Variants in MUCL1 observed in about 807,000 individuals in gnomAD.
The protein encoded by MUCL1 is mucin-like protein 1.
A neutral mutation model predicts 9.2 loss-of-function variants in MUCL1; 11 were observed. That is an observed-to-expected ratio of 1.19 (90% CI 0.75 to 1.97). The LOEUF is 1.97. MUCL1 is among the 30% of genes most tolerant of loss of function. The probability of loss-of-function intolerance (pLI) is 0.00; values close to 1 mark genes in which losing one functional copy is unlikely to be tolerated. For synonymous variants in MUCL1, 48 were observed against 40.5 expected (o/e 1.19, Z -0.71); for missense variants, 144 against 110.9 (o/e 1.30, Z -1.34).
intron 1 of MUCL1, among the ~76,000 whole-genome samples, chr12:54,845,511 C>T (rs1959242172): frequency 6.6e-6 from 1 of 152,154 alleles, no homozygotes; most frequent in African/African-American, 2.4e-5. Context: ...CAAAACAAGG[C>T]ACCCTTCACT....
upstream of MUCL1, among the ~76,000 whole-genome samples, chr12:54,850,310 T>TC (rs1959319364): frequency 1.1e-5 from 1 of 91,170 alleles, no homozygotes; most frequent in Non-Finnish European, 2.2e-5. Context: ...CCCTCCCCCC[T>TC]CCCCCCACCC....
upstream of MUCL1, among the ~76,000 whole-genome samples, chr12:54,838,397 C>A (rs551803624): frequency 6.4e-4 from 98 of 152,226 alleles, no homozygotes; most frequent in Admixed American, 1.2e-3. Context: ...GGCCTGATGA[C>A]TATATGTCTT....
At chr12:54,847,468 AGCCTGTCATG>A (rs1248668065) in intron 1 of MUCL1, among the ~76,000 whole-genome samples, 1 of 152,136 alleles carries the variant, frequency 6.6e-6, no homozygotes, top group Non-Finnish European at 1.5e-5. Flanking sequence ...ATACAAAATT[AGCCTGTCATG>A]GCGGTGCATG....
chr12:54,856,641 G>A, intron 2 of MUCL1, 129 bp from the exon 3 acceptor site: 6 of 1,276,628 alleles, frequency 4.7e-6, no homozygotes, highest in East Asian at 2.5e-5. Flanking sequence ...TAGGCTAAAG[G>A]TAAGACAGAA....
chr12:54,847,340 G>A (rs1363278888), intron 1 of MUCL1, among the ~76,000 whole-genome samples: 1 of 152,214 alleles, frequency 6.6e-6, no homozygotes, highest in South Asian at 2.1e-4. Flanking sequence ...GAAAGGCCGG[G>A]CACAGTGGCT....
chr12:54,845,894 C>G (rs929593788), intron 1 of MUCL1, among the ~76,000 whole-genome samples: 1 of 152,046 alleles, frequency 6.6e-6, no homozygotes, highest in African/African-American at 2.4e-5. Context: ...ATTTTTGATC[C>G]AGTGAGTTTC....
Position 54,845,414 on chromosome 12 carries a change from G to T in MUCL1, c.43+5967G>T, listed in dbSNP as rs150986363. Among the ~76,000 whole-genome samples the T allele has an allele frequency of 2.6e-5, 4 of 152,290 alleles. No homozygotes were observed. In the East Asian group the frequency reaches 5.8e-4, roughly 22 times the overall value. On this transcript the variant is annotated intron_variant, in intron 1 of 3. Transcript: ENST00000546809. ...TTACAGGCAGAGAATAACAATGAGA[G>T]AGATAGGAAAATGCAACAAGATGTG... is the stretch of plus-strand genomic sequence containing the variant.
intron 1 of MUCL1, among the ~76,000 whole-genome samples, chr12:54,833,526 T>G (rs1342468256): frequency 6.6e-6 from 1 of 152,132 alleles, no homozygotes; most frequent in East Asian, 1.9e-4. Flanking sequence ...TTTCATAAAT[T>G]TATTGGTCAT....
chr12:54,848,554 GATA>G (rs1249585766), intron 1 of MUCL1, among the ~76,000 whole-genome samples: 7 of 152,092 alleles, frequency 4.6e-5, no homozygotes, highest in Non-Finnish European at 1.0e-4. Context: ...TTTTATAAAA[GATA>G]ATAAGTTAAT....
At chr12:54,832,889 T>C (rs1274480115) in intron 1 of MUCL1, among the ~76,000 whole-genome samples, 12 of 152,120 alleles carry the variant, frequency 7.9e-5, no homozygotes. Flanking sequence ...ATTTTGTATG[T>C]CCTGGTATAA....
chr12:54,845,514 C>T (rs1399370311), intron 1 of MUCL1, among the ~76,000 whole-genome samples: 2 of 151,712 alleles, frequency 1.3e-5, no homozygotes, highest in South Asian at 2.1e-4. Context: ...AACAAGGCAC[C>T]CTTCACTTCA....
At chr12:54,845,163 G>C (rs1001035111) in intron 1 of MUCL1, among the ~76,000 whole-genome samples, 2 of 151,878 alleles carry the variant, frequency 1.3e-5, no homozygotes, top group African/African-American at 4.8e-5. Flanking sequence ...ACCTCAGTAT[G>C]ATGGCCTCAA....
chr12:54,839,488 C>A, intron 1 of MUCL1: 1 of 701,232 alleles, frequency 1.4e-6, no homozygotes, highest in Non-Finnish European at 2.6e-6. Context: ...GAGATCCCAG[C>A]CTTGACAGAG....
intron 1 of MUCL1, among the ~76,000 whole-genome samples, chr12:54,834,110 G>C (rs188672987): frequency 1.1e-4 from 16 of 151,904 alleles, no homozygotes; most frequent in Non-Finnish European, 1.2e-4. Context: ...ATCTCTTCAG[G>C]GTTAGTGCTT....
intron 1 of MUCL1, among the ~76,000 whole-genome samples, chr12:54,845,944 A>G (rs1472898657): frequency 6.6e-6 from 1 of 152,158 alleles, no homozygotes; most frequent in Non-Finnish European, 1.5e-5. Context: ...ATCAGGTTCA[A>G]GATCATATAC....
intron 1 of MUCL1, among the ~76,000 whole-genome samples, chr12:54,843,693 G>T (rs1408776185): frequency 6.6e-6 from 1 of 152,038 alleles, no homozygotes; most frequent in Non-Finnish European, 1.5e-5. Flanking sequence ...GCTTAGAAAG[G>T]GCCCACAAGG....
At chr12:54,838,651 ATTGAG>A (rs1959197422), upstream of MUCL1, among the ~76,000 whole-genome samples, 1 of 151,202 alleles carries the variant, frequency 6.6e-6, no homozygotes, top group Non-Finnish European at 1.5e-5. Flanking sequence ...ATTTTTTCTG[ATTGAG>A]TTAATTCAAA....
chr12:54,856,738 G>T (rs1868302102), intron 2 of MUCL1, 32 bp from the exon 3 acceptor site: 1 of 1,578,922 alleles, frequency 6.3e-7, no homozygotes, highest in Admixed American at 1.9e-5. Flanking sequence ...GAAGGAGTCA[G>T]TCTCACCTAG....
intron 1 of MUCL1, 137 bp downstream of exon 1, chr12:54,854,777 C>G (rs902307619): frequency 8.2e-6 from 6 of 727,524 alleles, no homozygotes; most frequent in Non-Finnish European, 1.4e-5. Context: ...TTTTGACTGA[C>G]CGTTCAAGAT....
Sources: allele counts gnomAD v4.1 joint callset (sites outside exome capture counted in the v4.1 genomes callset), GRCh38; gene constraint gnomAD v4.1.1; transcripts MANE v1.5; gene names NCBI Gene and HGNC (gene_info 2026-07-23, HGNC 2026-07-21).